The following CLDN16 variants were observed in gnomAD, a reference collection of about 807,000 sequenced individuals.
CLDN16 encodes the protein claudin-16.
A neutral mutation model predicts 24.6 loss-of-function variants in CLDN16; 13 were observed. The observed-to-expected ratio is 0.53, with a 90% CI of 0.34 to 0.84. The LOEUF is 0.84. Ranked by LOEUF, CLDN16 falls within the 40% of genes least tolerant of loss-of-function variation. The pLI is 0.01. For missense variants in CLDN16, 298 were observed against 292.7 expected (o/e 1.02, Z -0.13); for synonymous variants, 116 against 106.7 (o/e 1.09, Z -0.54).
At chr3:190,338,133 C>T (rs575258496) in intron 1 of CLDN16, among the ~76,000 whole-genome samples, 6 of 152,234 alleles carry the variant, frequency 3.9e-5, no homozygotes, top group South Asian at 2.1e-4. Context: ...CCTACTTCAC[C>T]GCCACTCCAA....
the CLDN16 span, among the ~76,000 whole-genome samples, chr3:190,314,351 T>C: frequency 6.6e-6 from 1 of 152,168 alleles, no homozygotes; most frequent in East Asian, 1.9e-4. Context: ...TGATTTTCTG[T>C]CTTTGCTATA....
rs192189438 is a variant in CLDN16, at chr3:190,405,606, C to T, written c.382+680C>T. Among the ~76,000 whole-genome samples the T allele has an allele frequency of 2.6e-3, 393 of 152,144 alleles. 4 individuals carry two copies. In the South Asian group the frequency reaches 0.033, roughly 13 times the overall value. ...CCTCCTTACCTATACCCACCACCAC[C>T]AACTCCACCAATTCTTTTTAACAAT... On this transcript the variant is annotated intron_variant, in intron 3 of 4. Transcript: ENST00000264734.
the CLDN16 span, among the ~76,000 whole-genome samples, chr3:190,300,229 G>C: frequency 6.6e-6 from 1 of 152,162 alleles, no homozygotes; most frequent in African/African-American, 2.4e-5. Flanking sequence ...CAACTTTCTA[G>C]TTAAAGCCAC....
chr3:190,316,853 A>G, the CLDN16 span, among the ~76,000 whole-genome samples: 1 of 152,188 alleles, frequency 6.6e-6, no homozygotes, highest in Non-Finnish European at 1.5e-5. Context: ...ACTGAGAAAT[A>G]CCTCCCTTGA....
upstream of CLDN16, among the ~76,000 whole-genome samples, chr3:190,318,097 T>C (rs1343346501): frequency 6.6e-6 from 1 of 152,206 alleles, no homozygotes; most frequent in Non-Finnish European, 1.5e-5. Context: ...TTCATAAAAG[T>C]CCTAATCATT....
At chr3:190,345,288 G>C (rs1399442590) in intron 1 of CLDN16, among the ~76,000 whole-genome samples, 1 of 152,014 alleles carries the variant, frequency 6.6e-6, no homozygotes, top group African/African-American at 2.4e-5. Flanking sequence ...TGTTCATTTT[G>C]TGATATTTCT....
At chr3:190,373,788 A>G (rs1327178229) in intron 2 of CLDN16, among the ~76,000 whole-genome samples, 1 of 151,782 alleles carries the variant, frequency 6.6e-6, no homozygotes, top group Admixed American at 6.6e-5. Context: ...TCAATGATGT[A>G]GGAAATATAG....
chr3:190,406,681 T>C (rs933652525), intron 3 of CLDN16, among the ~76,000 whole-genome samples: 1 of 151,938 alleles, frequency 6.6e-6, no homozygotes, highest in Non-Finnish European at 1.5e-5. Context: ...AATGGCATTA[T>C]AGCAATGCTA....
chr3:190,357,234 T>C (rs748029861), intron 1 of CLDN16, among the ~76,000 whole-genome samples: 21 of 151,866 alleles, frequency 1.4e-4, no homozygotes, highest in Non-Finnish European at 2.9e-4. Context: ...GCTTCTAAAA[T>C]AGAAAACTTT....
the CLDN16 span, among the ~76,000 whole-genome samples, chr3:190,310,470 A>T: frequency 6.6e-6 from 1 of 152,212 alleles, no homozygotes; most frequent in East Asian, 1.9e-4. Flanking sequence ...GACAAAATTT[A>T]TACTTTTTTA....
the CLDN16 span, among the ~76,000 whole-genome samples, chr3:190,299,622 T>C: frequency 2.0e-5 from 3 of 152,250 alleles, no homozygotes; most frequent in East Asian, 5.8e-4. Flanking sequence ...GAGACCATGT[T>C]TGTTTGTTTG....
intron 1 of CLDN16, among the ~76,000 whole-genome samples, chr3:190,366,342 C>T (rs559954413): frequency 6.6e-6 from 1 of 152,054 alleles, no homozygotes; most frequent in African/African-American, 2.4e-5. Context: ...GCCACTGACA[C>T]AGCATGCCAA....
chr3:190,338,432 A>T (rs1717358143), intron 1 of CLDN16, among the ~76,000 whole-genome samples: 1 of 152,216 alleles, frequency 6.6e-6, no homozygotes, highest in African/African-American at 2.4e-5. Context: ...GCATGGAGAA[A>T]TACTTTTCAT....
chr3:190,393,642 A>G (rs1449748482), intron 1 of CLDN16, among the ~76,000 whole-genome samples: 3 of 152,042 alleles, frequency 2.0e-5, no homozygotes, highest in East Asian at 3.9e-4. Flanking sequence ...GACATTTTGC[A>G]TAATGTTCGC....
In CLDN16 at chr3:190,402,391, G is replaced by A. The variant is rs747654138; in HGVS notation, c.169G>A (p.Gly57Arg). ...GGAATGCGTCACAAATGCTTTTGAT[G>A]GGATTCGCACCTGTGATGAGTACGA... ...WWECVTNAFDGIRTCDEYDSI... is the reference protein window; with the variant it reads ...WWECVTNAFDRIRTCDEYDSI... Residue 57 changes from glycine (G) to arginine (R), a missense_variant, in exon 2 of 5, where the codon GGG becomes AGG. By Grantham distance (125) the Gly-to-Arg change is moderately radical. Coordinates refer to ENST00000264734, the MANE Select transcript of CLDN16 (RefSeq NM_006580.4). 5.6e-6 allele frequency: 9 copies of A among 1,614,010 alleles called. No individual in the cohort carries two copies. The highest frequency in any genetic ancestry group is 1.1e-5 in the South Asian group (1 of 91,082).
chr3:190,402,415 G>T lies in CLDN16; in HGVS notation c.193G>T (p.Asp65Tyr). ...TGGGATTCGCACCTGTGATGAGTAC[G>T]ATTCCATACTTGCGGAGCATCCCTG... ...FDGIRTCDEY[D>Y]SILAEHPLKL... Residue 65 changes from aspartate to tyrosine, a missense_variant, in exon 2 of 5, where the codon GAT becomes TAT. Asp to Tyr is a radical substitution (Grantham distance 160, BLOSUM62 -3). Coordinates refer to ENST00000264734, the MANE Select transcript of CLDN16 (RefSeq NM_006580.4). 6.2e-7 allele frequency: 1 copy of T among 1,613,748 alleles called. No individual in the cohort carries two copies. Among genetic ancestry groups the T allele is most frequent in the Non-Finnish European group, 8.5e-7 (1 of 1,179,744 alleles).
At chr3:190,377,753 C>T (rs549455700) in intron 3 of CLDN16, among the ~76,000 whole-genome samples, 3 of 152,024 alleles carry the variant, frequency 2.0e-5, no homozygotes, top group South Asian at 4.2e-4. Flanking sequence ...AGAGGGTGAG[C>T]GGGCACCCTC....
intron 1 of CLDN16, among the ~76,000 whole-genome samples, chr3:190,401,919 A>G (rs1359134779): frequency 6.6e-6 from 1 of 152,118 alleles, no homozygotes; most frequent in Non-Finnish European, 1.5e-5. Context: ...TATTTTTAAT[A>G]GACTCAAGGT....
the CLDN16 span, among the ~76,000 whole-genome samples, chr3:190,297,238 T>C: frequency 1.3e-5 from 2 of 151,796 alleles, no homozygotes; most frequent in Admixed American, 1.3e-4. Flanking sequence ...AGTTTATTCT[T>C]TTTAGATAAA....
Sources: allele counts gnomAD v4.1 joint callset (sites outside exome capture counted in the v4.1 genomes callset), GRCh38; gene constraint gnomAD v4.1.1; transcripts MANE v1.5; gene names NCBI Gene and HGNC (gene_info 2026-07-23, HGNC 2026-07-21).